ZSCAN5A: variants seen among roughly 807,000 people sequenced by gnomAD.
ZSCAN5A encodes the protein zinc finger and SCAN domain-containing protein 5A.
Under a neutral mutation model 23.7 loss-of-function variants are expected in ZSCAN5A, and 12 were observed. The ratio of observed to expected loss-of-function variants is 0.51; its 90% CI spans 0.32 to 0.82. The LOEUF (loss-of-function observed/expected upper bound fraction) is 0.82. Among genes scored for constraint, ZSCAN5A ranks in the 40% least tolerant of loss-of-function variants. The pLI is 0.03. For synonymous variants in ZSCAN5A, 257 were observed against 239.9 expected, an observed-to-expected ratio of 1.07 and a Z score of -0.66; for missense variants, 597 against 617.9, an observed-to-expected ratio of 0.97 and a Z score of 0.36.
At chr19:56,304,787 C>T (rs2040575775) in intron 2 of ZSCAN5A, 2 of 985,246 alleles carry the variant, frequency 2.0e-6, no homozygotes, top group Admixed American at 6.1e-5. Flanking sequence ...ACTTTTTCCT[C>T]CCAAGTGTTA....
intron 2 of ZSCAN5A, among the ~76,000 whole-genome samples, chr19:56,311,407 T>C (rs1241852296): frequency 6.6e-6 from 1 of 152,188 alleles, no homozygotes; most frequent in African/African-American, 2.4e-5. Context: ...ATAATTGAAA[T>C]AAAATCCATT....
intron 4 of ZSCAN5A, among the ~76,000 whole-genome samples, chr19:56,223,345 G>A (rs539448879): frequency 1.1e-4 from 16 of 152,164 alleles, no homozygotes; most frequent in Non-Finnish European, 2.1e-4. Context: ...AACTGGCTAC[G>A]GGGAAGGAAT....
intron 2 of ZSCAN5A, chr19:56,296,420 T>TG (rs968158799): frequency 2.2e-5 from 3 of 139,468 alleles, no homozygotes; most frequent in Non-Finnish European, 4.7e-5. Context: ...ATACAGGTAC[T>TG]GGTTTTTTCT....
At chr19:56,246,062 T>C (rs752720440) in intron 2 of ZSCAN5A, among the ~76,000 whole-genome samples, 20 of 152,066 alleles carry the variant, frequency 1.3e-4, no homozygotes, top group South Asian at 2.1e-4. Context: ...AGAAATATGC[T>C]CAGAGAACCA....
intron 2 of ZSCAN5A, among the ~76,000 whole-genome samples, chr19:56,294,805 A>G (rs551404330): frequency 6.6e-6 from 1 of 152,384 alleles, no homozygotes; most frequent in East Asian, 1.9e-4. Flanking sequence ...TTCAGCCACA[A>G]AGAAAGTGCT....
chr19:56,225,286 G>T lies in ZSCAN5A; in HGVS notation c.-127-113C>A, dbSNP rs147296407. The T allele has an allele frequency of 5.4e-4, 557 of 1,026,458 alleles. 4 individuals carry two copies. In the African/African-American group the frequency reaches 8.2e-3, roughly 15 times the overall value. 63.6% of individuals were successfully genotyped at this position (1,026,458 alleles called of 1,614,324 possible). ...CTTCAGCAGCATCGAATTCAGCACA[G>T]TGGAAATCTTCCAGTGTCTATACCT... is the stretch of plus-strand genomic sequence containing the variant. On this transcript the variant is annotated intron_variant, in intron 2 of 5. Coordinates refer to ENST00000683990, the MANE Select transcript of ZSCAN5A (RefSeq NM_001322064.3).
At chr19:56,251,860 G>C (rs1260712324) in intron 2 of ZSCAN5A, among the ~76,000 whole-genome samples, 1 of 152,096 alleles carries the variant, frequency 6.6e-6, no homozygotes, top group African/African-American at 2.4e-5. Context: ...AGCACACCTG[G>C]GCAAGAATTG....
chr19:56,365,956 G>A (rs2041761355), intron 1 of ZSCAN5A: 1 of 152,278 alleles, frequency 6.6e-6, no homozygotes, highest in African/African-American at 2.4e-5. Context: ...GGTTCTGGCA[G>A]GGGAAGAGGA....
At chr19:56,293,953 T>G (rs2039691329) in intron 2 of ZSCAN5A, among the ~76,000 whole-genome samples, 1 of 152,326 alleles carries the variant, frequency 6.6e-6, no homozygotes, top group Non-Finnish European at 1.5e-5. Flanking sequence ...AGCAAGGGTC[T>G]GTGAGGACCA....
At chr19:56,231,204 C>T (rs984367840) in intron 2 of ZSCAN5A, among the ~76,000 whole-genome samples, 13 of 152,110 alleles carry the variant, frequency 8.5e-5, no homozygotes, top group Non-Finnish European at 1.6e-4. Flanking sequence ...CAGAGCCAGA[C>T]CCTTTCTCAA....
chr19:56,288,426 G>T (rs763278047), intron 2 of ZSCAN5A, among the ~76,000 whole-genome samples: 1 of 152,036 alleles, frequency 6.6e-6, no homozygotes, highest in Non-Finnish European at 1.5e-5. Flanking sequence ...GCCTCCCCTG[G>T]TGTCCCCGCA....
At chr19:56,332,824 C>T (rs1009510341) in intron 2 of ZSCAN5A, among the ~76,000 whole-genome samples, 14 of 152,200 alleles carry the variant, frequency 9.2e-5, no homozygotes, top group African/African-American at 3.4e-4. Context: ...CTAGAATTCC[C>T]TTAAGGATTT....
At chr19:56,270,710 A>G (rs886682185) in intron 2 of ZSCAN5A, among the ~76,000 whole-genome samples, 8 of 152,300 alleles carry the variant, frequency 5.3e-5, no homozygotes, top group Admixed American at 2.0e-4. Flanking sequence ...AATAAGCACT[A>G]AAAGCTCATC....
chr19:56,365,410 C>CA (rs1161181960), intron 1 of ZSCAN5A, among the ~76,000 whole-genome samples: 1 of 152,140 alleles, frequency 6.6e-6, no homozygotes, highest in Non-Finnish European at 1.5e-5. Flanking sequence ...ATTTCCTCAA[C>CA]AATAGACACG....
chr19:56,326,754 C>T (rs1317619916), intron 2 of ZSCAN5A, among the ~76,000 whole-genome samples: 1 of 152,138 alleles, frequency 6.6e-6, no homozygotes, highest in African/African-American at 2.4e-5. Flanking sequence ...CTCGAGTCTC[C>T]TCTGCTTTGA....
intron 2 of ZSCAN5A, among the ~76,000 whole-genome samples, chr19:56,259,899 G>C (rs2036993349): frequency 1.3e-5 from 2 of 152,246 alleles, no homozygotes; most frequent in African/African-American, 4.8e-5. Flanking sequence ...TTTAAGCCAG[G>C]GAAGTCGAGG....
intron 2 of ZSCAN5A, among the ~76,000 whole-genome samples, chr19:56,267,782 T>C (rs994361915): frequency 1.3e-5 from 2 of 152,184 alleles, no homozygotes; most frequent in African/African-American, 4.8e-5. Context: ...ACAGTTCCCA[T>C]CTCATAGTGT....
intron 2 of ZSCAN5A, among the ~76,000 whole-genome samples, chr19:56,243,759 T>G (rs1385925069): frequency 6.6e-6 from 1 of 152,098 alleles, no homozygotes; most frequent in Non-Finnish European, 1.5e-5. Flanking sequence ...TCAGAACATA[T>G]AGTCAGGTGT....
chr19:56,286,038 T>C (rs1211859387), intron 2 of ZSCAN5A, among the ~76,000 whole-genome samples: 1 of 152,216 alleles, frequency 6.6e-6, no homozygotes. Context: ...TTTATTTATT[T>C]AGAGACGGAG....
Sources: gnomAD v4.1 joint callset for allele counts (sites outside exome capture counted in the v4.1 genomes callset) on GRCh38, gnomAD v4.1.1 for gene constraint, MANE v1.5 for transcripts, NCBI Gene and HGNC (gene_info 2026-07-23, HGNC 2026-07-21) for gene names.